Variants in SPOCK3 observed in about 807,000 individuals in gnomAD.
The protein encoded by SPOCK3 is SPARC (osteonectin), cwcv and kazal like domains proteoglycan 3.
In SPOCK3, 30 loss-of-function variants were observed where a neutral mutation model predicts 56.6. That is an observed-to-expected ratio of 0.53 (90% CI 0.40 to 0.72). The LOEUF (loss-of-function observed/expected upper bound fraction) is 0.72. SPOCK3 is among the 30% of genes least tolerant of loss of function. The probability of loss-of-function intolerance (pLI) is 0.00; values close to 1 mark genes in which losing one functional copy is unlikely to be tolerated. For missense variants in SPOCK3, 527 were observed against 530.0 expected, an observed-to-expected ratio of 0.99 and a Z score of 0.06; for synonymous variants, 196 against 183.3, an observed-to-expected ratio of 1.07 and a Z score of -0.56.
intron 6 of SPOCK3, among the ~76,000 whole-genome samples, chr4:166,794,210 CAAAA>C (rs10710162): frequency 2.7e-5 from 2 of 73,606 alleles, no homozygotes; most frequent in African/African-American, 1.1e-4. Flanking sequence ...GGTGATAAGG[CAAAA>C]AAAAAAAAAA....
intron 6 of SPOCK3, among the ~76,000 whole-genome samples, chr4:166,860,399 G>C (rs1022064035): frequency 6.6e-6 from 1 of 151,976 alleles, no homozygotes; most frequent in Admixed American, 6.6e-5. Flanking sequence ...ACCACTGTGA[G>C]AAAACATGAG....
At position 167,126,270 on chromosome 4, in the gene SPOCK3, G is replaced by A. The variant is rs528945268; in HGVS notation, c.190-63733C>T. Among the ~76,000 whole-genome samples the A allele has an allele frequency of 1.8e-4, 27 of 152,244 alleles. No individual in the cohort carries two copies. The South Asian group carries it at 5.0e-3, about 28-fold the overall frequency. On this transcript the variant is annotated intron_variant, in intron 2 of 10. Coordinates refer to ENST00000357545, the MANE Select transcript of SPOCK3 (RefSeq NM_001040159.2). ...CCTCACAATAAGTTCATTGTAGGCC[G>A]GGCGCTGTGGCTCACACATGTAATC...
chr4:167,101,890 GT>G (rs1296223948), intron 2 of SPOCK3, among the ~76,000 whole-genome samples: 56 of 142,622 alleles, frequency 3.9e-4, no homozygotes, highest in Admixed American at 1.1e-3. Flanking sequence ...GCCAGGCTGA[GT>G]TTTTTTTTTT....
At chr4:166,986,915 A>G (rs1468532752) in intron 4 of SPOCK3, among the ~76,000 whole-genome samples, 1 of 152,064 alleles carries the variant, frequency 6.6e-6, no homozygotes, top group Non-Finnish European at 1.5e-5. Context: ...TTGTACCCTC[A>G]CCAACCCCAT....
chr4:167,007,245 C>T (rs1749556943), intron 3 of SPOCK3, among the ~76,000 whole-genome samples: 1 of 151,932 alleles, frequency 6.6e-6, no homozygotes, highest in Non-Finnish European at 1.5e-5. Context: ...GTTCCAGGAC[C>T]CCAGAGGGTA....
intron 4 of SPOCK3, among the ~76,000 whole-genome samples, chr4:166,962,551 A>G (rs1430832643): frequency 6.6e-6 from 1 of 152,140 alleles, no homozygotes; most frequent in Non-Finnish European, 1.5e-5. Context: ...AATATTTTAG[A>G]GAGGACAGAT....
chr4:167,133,495 C>T (rs1226811170), intron 2 of SPOCK3, among the ~76,000 whole-genome samples: 1 of 152,182 alleles, frequency 6.6e-6, no homozygotes, highest in East Asian at 1.9e-4. Context: ...GAAATGAATG[C>T]ACTGTCCAGC....
chr4:166,855,325 C>T (rs540887356), intron 6 of SPOCK3, among the ~76,000 whole-genome samples: 1 of 152,254 alleles, frequency 6.6e-6, no homozygotes, highest in South Asian at 2.1e-4. Flanking sequence ...TTCACAGCAA[C>T]CTGTGATATA....
chr4:166,828,553 A>G (rs1276835082), intron 6 of SPOCK3, among the ~76,000 whole-genome samples: 1 of 151,964 alleles, frequency 6.6e-6, no homozygotes, highest in Non-Finnish European at 1.5e-5. Flanking sequence ...GTTTCATATT[A>G]CTTATCTCCC....
At position 167,087,090 on chromosome 4, in the gene SPOCK3, C is replaced by T. The variant is rs570659774; in HGVS notation, c.190-24553G>A. On this transcript the variant is annotated intron_variant, in intron 2 of 10. Transcript: ENST00000357545. ...GAACAAAATGATCTAAATAATTTGTCGGCAAATAATTTTATTTCTTAGATA... is the reference window on the plus strand; with the variant it reads ...GAACAAAATGATCTAAATAATTTGTTGGCAAATAATTTTATTTCTTAGATA... Among the ~76,000 whole-genome samples, 19 of 152,074 alleles carry T rather than the reference C, an allele frequency of 1.2e-4. 1 individual carries two copies. The highest frequency in any genetic ancestry group is 6.8e-3 in the Middle Eastern group (2 of 294).
intron 2 of SPOCK3, among the ~76,000 whole-genome samples, chr4:167,165,580 A>AT (rs1765687385): frequency 6.6e-6 from 1 of 152,156 alleles, no homozygotes; most frequent in Non-Finnish European, 1.5e-5. Context: ...GAAACAAGGT[A>AT]AAACCTAACC....
At chr4:166,991,188 C>CATGATTCATG in intron 4 of SPOCK3, among the ~76,000 whole-genome samples, 1 of 151,666 alleles carries the variant, frequency 6.6e-6, no homozygotes, top group African/African-American at 2.4e-5. Flanking sequence ...TTTAATTCAC[C>CATGATTCATG]ACTATTTTTT....
chr4:167,028,204 G>C (rs1013450564), intron 3 of SPOCK3, among the ~76,000 whole-genome samples: 4 of 150,186 alleles, frequency 2.7e-5, no homozygotes, highest in African/African-American at 9.9e-5. Context: ...CAGAGAAACA[G>C]ATCAAGACCC....
At chr4:166,762,047 G>C (rs902133115) in intron 7 of SPOCK3, among the ~76,000 whole-genome samples, 14 of 151,678 alleles carry the variant, frequency 9.2e-5, no homozygotes, top group Admixed American at 1.3e-4. Flanking sequence ...AAAGGTAAAA[G>C]AGGTATTTCT....
At chr4:166,989,961 G>A (rs747807118) in intron 4 of SPOCK3, among the ~76,000 whole-genome samples, 3 of 152,112 alleles carry the variant, frequency 2.0e-5, no homozygotes, top group Admixed American at 6.6e-5. Flanking sequence ...CTTATAAGTA[G>A]AAAGGGAAGG....
chr4:167,139,367 A>C (rs996098056), intron 2 of SPOCK3, among the ~76,000 whole-genome samples: 3 of 152,064 alleles, frequency 2.0e-5, no homozygotes, highest in African/African-American at 4.8e-5. Context: ...AAAAATGTTA[A>C]ATGTGTTTAT....
chr4:166,909,582 G>T (rs150332216), intron 5 of SPOCK3, among the ~76,000 whole-genome samples: 1 of 151,954 alleles, frequency 6.6e-6, no homozygotes, highest in Non-Finnish European at 1.5e-5. Flanking sequence ...AATAGGAAAG[G>T]CTTCCACAGC....
chr4:166,878,679 A>T (rs949959887), intron 6 of SPOCK3, among the ~76,000 whole-genome samples: 8 of 152,124 alleles, frequency 5.3e-5, no homozygotes, highest in Admixed American at 3.3e-4. Context: ...CACCAAAATT[A>T]TATACTGTTA....
chr4:166,742,269 C>CTATCTATG (rs1181216145), intron 8 of SPOCK3, among the ~76,000 whole-genome samples: 1 of 149,262 alleles, frequency 6.7e-6, no homozygotes, highest in East Asian at 1.9e-4. Flanking sequence ...ATCTATCTAT[C>CTATCTATG]TATCTATCTA....
Sources: allele counts gnomAD v4.1 joint callset (sites outside exome capture counted in the v4.1 genomes callset), GRCh38; gene constraint gnomAD v4.1.1; transcripts MANE v1.5; gene names NCBI Gene and HGNC (gene_info 2026-07-23, HGNC 2026-07-21).